RAD17: variants seen among roughly 807,000 people sequenced by gnomAD.
The protein encoded by RAD17 is RAD17 checkpoint clamp loader component.
RAD17 carries 31 observed loss-of-function variants against 81.5 expected under a neutral mutation model. The ratio of observed to expected loss-of-function variants is 0.38; its 90% CI spans 0.29 to 0.51. The LOEUF is 0.51. Ranked by LOEUF, RAD17 falls within the 20% of genes least tolerant of loss-of-function variation. The pLI is 0.88. For synonymous variants in RAD17, 261 were observed against 266.2 expected (o/e 0.98, Z 0.19); for missense variants, 681 against 781.2 (o/e 0.87, Z 1.53).
Position 69,414,058 on chromosome 5 carries a change from G to C in RAD17, c.1779G>C (p.Arg593Ser). ...TGAAAATGGAAGCCCTGACTGACAG[G>C]GAACATGGAATGATAGACCCTGACA... is the stretch of plus-strand genomic sequence containing the variant. ...GRLKMEALTD[R>S]EHGMIDPDSG... is the part of the protein sequence containing the mutation. The change falls in exon 19 of 19, where the codon AGG becomes AGC. Residue 593 changes from arginine (R) to serine (S), a missense_variant. Transcript: ENST00000354868. 6.2e-7 allele frequency: 1 copy of C among 1,614,202 alleles called. No individual in the cohort carries two copies. The highest frequency in any genetic ancestry group is 8.5e-7 in the Non-Finnish European group (1 of 1,180,042).
Position 69,377,614 on chromosome 5 carries a change from C to CATAT in RAD17, c.351+2908_351+2911dup, listed in dbSNP as rs372230050. Among the ~76,000 whole-genome samples, 4 of 3,386 alleles carry CATAT rather than the reference C, an allele frequency of 1.2e-3. 1 individual carries two copies. The highest frequency in any genetic ancestry group is 2.4e-3 in the African/African-American group (4 of 1,668). 2.2% of individuals were successfully genotyped at this position (3,386 alleles called of 152,430 possible). ...ATATATATGCATATATATATGTATA[C>CATAT]ATATATATGCATATATATGTATACA... On this transcript the variant is annotated intron_variant, in intron 6 of 18. Coordinates refer to ENST00000354868, the MANE Select transcript of RAD17 (RefSeq NM_133338.3).
At position 69,386,412 on chromosome 5, in the gene RAD17, C is replaced by G; in HGVS notation, c.841C>G (p.Pro281Ala). 1.3e-6 allele frequency: 2 copies of G among 1,596,960 alleles called. No individual in the cohort carries two copies. Among genetic ancestry groups the G allele is most frequent in the Non-Finnish European group, 1.7e-6 (2 of 1,173,686 alleles). Residue 281 changes from proline (P) to alanine (A), a missense_variant, in exon 11 of 19, where the codon CCA becomes GCA. By Grantham distance (27) the Pro-to-Ala change is conservative. Coordinates refer to ENST00000354868, the MANE Select transcript of RAD17 (RefSeq NM_133338.3). ...AAAACTTAGTTTCAACCCTGTGGCA[C>G]CAACAATTATGATGAAATTTCTTAA... ...ISNISFNPVA[P>A]TIMMKFLNRI...
At chr5:69,392,791 T>C (rs1181718409) in intron 13 of RAD17, 36 of 456,370 alleles carry the variant, frequency 7.9e-5, no homozygotes, top group Non-Finnish European at 5.3e-5. Flanking sequence ...TCGTATTCTT[T>C]CATGTAGAGA....
intron 16 of RAD17, among the ~76,000 whole-genome samples, chr5:69,398,126 AAAG>A (rs1198584538): frequency 3.3e-4 from 50 of 152,320 alleles, no homozygotes; most frequent in African/African-American, 1.1e-3. Flanking sequence ...AAAAAAAAAA[AAAG>A]AAAATCACTA....
At chr5:69,373,649 C>T (rs1311532991) in intron 4 of RAD17, among the ~76,000 whole-genome samples, 181 bp from the exon 5 acceptor site, 1 of 148,914 alleles carries the variant, frequency 6.7e-6, no homozygotes, top group African/African-American at 2.5e-5. Context: ...CACTGCAGTC[C>T]AGCCTGGGTG....
intron 11 of RAD17, among the ~76,000 whole-genome samples, chr5:69,387,411 A>G (rs1052397420): frequency 6.6e-6 from 1 of 152,184 alleles, no homozygotes; most frequent in Non-Finnish European, 1.5e-5. Flanking sequence ...GGAAATATCC[A>G]AGGGAGAGGT....
In RAD17 at chr5:69,371,492, G is replaced by A. The variant is rs1351381556; in HGVS notation, c.-241G>A. 1.5e-5 allele frequency: 20 copies of A among 1,346,214 alleles called. No homozygotes were observed. Among genetic ancestry groups the A allele is most frequent in the Non-Finnish European group, 2.0e-5 (20 of 1,012,318 alleles). 83.4% of individuals were successfully genotyped at this position (1,346,214 alleles called of 1,614,324 possible). On this transcript the variant is annotated 5_prime_UTR_variant, in exon 3 of 19. Coordinates refer to ENST00000354868, the MANE Select transcript of RAD17 (RefSeq NM_133338.3). ...TAATGTACTGCAAGTCCTAAACTAC[G>A]GATGGGAACTATTACAGTTTATAAT...
At position 69,396,545 on chromosome 5, in the gene RAD17, AG is replaced by A; in HGVS notation, c.1572+1del. ...CCTCAGTGGTTTCTAATAAATAAAA[AG>A]GTAAAAAAAAAAAAAAAAATTCTGT... is the stretch of plus-strand genomic sequence containing the variant. Reference protein sequence around the residue: ...HKPQWFLINKKYRENCLAAKA... With the variant: ...HKPQWFLINKXYRENCLAAKA... On this transcript the variant is annotated frameshift_variant and splice_region_variant, in exon 16 of 19. Transcript: ENST00000354868. LOFTEE classifies it high-confidence loss of function. 1 of 1,406,464 alleles carries A rather than the reference AG, an allele frequency of 7.1e-7. No homozygotes were observed. Among genetic ancestry groups the A allele is most frequent in the South Asian group, 1.4e-5 (1 of 72,246 alleles). The allele number at this position is 1,406,464 out of a possible 1,614,324, so 87.1% of individuals were successfully genotyped here.
intron 5 of RAD17, 133 bp downstream of exon 5, chr5:69,374,220 G>A: frequency 1.3e-6 from 1 of 794,636 alleles, no homozygotes; most frequent in South Asian, 2.3e-5. Flanking sequence ...AAAAATTCTG[G>A]ATTTTTTTAT....
chr5:69,392,731 CT>C, intron 13 of RAD17: 2 of 425,726 alleles, frequency 4.7e-6, no homozygotes, highest in South Asian at 1.7e-5. Flanking sequence ...TCTCTCCTTT[CT>C]TTTCCTCCCC....
chr5:69,386,515 C>CATTT lies in RAD17; in HGVS notation c.894+50_894+51insATTT. On this transcript the variant is annotated intron_variant, in intron 11 of 18. Coordinates refer to ENST00000354868, the MANE Select transcript of RAD17 (RefSeq NM_133338.3). ...TACTCGATAACTATAGAAAGCCTAG[C>CATTT]TTAAATAGTATTATGTAAACTGAAG... 3.4e-6 allele frequency: 5 copies of CATTT among 1,487,322 alleles called. No individual in the cohort carries two copies. The East Asian group carries it at 7.1e-5, about 21-fold the overall frequency. The allele number at this position is 1,487,322 out of a possible 1,614,324, so 92.1% of individuals were successfully genotyped here. A position where few individuals can be genotyped will look rare whatever the true frequency, so the allele number is the denominator to read the frequency against.
intron 17 of RAD17, among the ~76,000 whole-genome samples, chr5:69,402,108 C>T (rs1380023407): frequency 6.8e-6 from 1 of 147,574 alleles, no homozygotes; most frequent in Non-Finnish European, 1.5e-5. Context: ...AGTGCAATGG[C>T]ATGATCTCGA....
rs768377140 is a variant in RAD17, at chr5:69,410,538, G to A, written c.1739G>A (p.Arg580Gln). The A allele has an allele frequency of 7.4e-6, 12 of 1,612,876 alleles. No homozygotes were observed. The African/African-American group carries it at 1.3e-4, about 18-fold the overall frequency. Residue 580 changes from arginine (R) to glutamine (Q), a missense_variant, in exon 18 of 19, where the codon CGA (arginine) becomes CAA (glutamine). Coordinates refer to ENST00000354868, the MANE Select transcript of RAD17 (RefSeq NM_133338.3). The part of the protein sequence containing the change: ...IQDIGRLPLK[R>Q]HFGRLKMEAL... The stretch of plus-strand genomic sequence containing the variant: ...GATATTGGAAGGCTCCCTCTGAAGC[G>A]ACACTTTGGAAGGTAAGCTGATCAT...
At position 69,381,977 on chromosome 5, in the gene RAD17, A is replaced by G. The variant is rs1763887759; in HGVS notation, c.428A>G (p.His143Arg). The G allele has an allele frequency of 1.2e-6, 2 of 1,606,842 alleles. No individual in the cohort carries two copies. Among genetic ancestry groups the G allele is most frequent in the Non-Finnish European group, 1.7e-6 (2 of 1,173,600 alleles). Reference sequence around the variant, plus strand: ...ACCTTAAAAATACTATCAAAGGAGCATGGTATTCAAGTACAAGAGTGGATT... The same window carrying G: ...ACCTTAAAAATACTATCAAAGGAGCGTGGTATTCAAGTACAAGAGTGGATT... ...TTTLKILSKE[H>R]GIQVQEWINP... Residue 143 changes from histidine (H) to arginine (R), a missense_variant, in exon 7 of 19, where the codon CAT becomes CGT. Physicochemically the swap from His to Arg is conservative, Grantham distance 29. Transcript: ENST00000354868.
chr5:69,391,073 C>A (rs1764526660), intron 12 of RAD17, among the ~76,000 whole-genome samples: 1 of 151,776 alleles, frequency 6.6e-6, no homozygotes, highest in African/African-American at 2.4e-5. Context: ...CTCATCTCTG[C>A]TAAAAATACA....
chr5:69,369,843 G>C lies in RAD17; in HGVS notation c.-507G>C, dbSNP rs1052393264. ...GTACCTCCGAGAGGCTCGGCGTTGA[G>C]CCCGGGTAGGGCCAGGTGGCTGCCC... is the stretch of plus-strand genomic sequence containing the variant. On this transcript the variant is annotated 5_prime_UTR_variant, in exon 1 of 19. Coordinates refer to ENST00000354868, the MANE Select transcript of RAD17 (RefSeq NM_133338.3). 3 of 841,270 alleles carry C rather than the reference G, an allele frequency of 3.6e-6. No homozygotes were observed. The highest frequency in any genetic ancestry group is 5.6e-6 in the Non-Finnish European group (3 of 536,168). The allele number at this position is 841,270 out of a possible 1,614,324, so 52.1% of individuals were successfully genotyped here. A position where few individuals can be genotyped will look rare whatever the true frequency, so the allele number is the denominator to read the frequency against.
chr5:69,371,527 T>G lies in RAD17; in HGVS notation c.-206T>G. 6.8e-7 allele frequency: 1 copy of G among 1,463,518 alleles called. No individual in the cohort carries two copies. The highest frequency in any genetic ancestry group is 9.1e-7 in the Non-Finnish European group (1 of 1,093,340). The allele number at this position is 1,463,518 out of a possible 1,614,324, so 90.7% of individuals were successfully genotyped here. ...TATTACAGTTTATAATGTCAAAAAC[T>G]TTTCTTAGACCAAAGGTATCTTCCA... On this transcript the variant is annotated 5_prime_UTR_variant, in exon 3 of 19. Coordinates refer to ENST00000354868, the MANE Select transcript of RAD17 (RefSeq NM_133338.3).
intron 16 of RAD17, among the ~76,000 whole-genome samples, chr5:69,399,229 T>C (rs1765097450): frequency 6.6e-6 from 1 of 152,204 alleles, no homozygotes; most frequent in African/African-American, 2.4e-5. Flanking sequence ...CACTCCAGCC[T>C]GGGCAACAGA....
rs1210813855 is a variant in RAD17, at chr5:69,377,452, TATATATATATATATATATATATACACAC to T, written c.351+2743_351+2770del. Among the ~76,000 whole-genome samples the T allele has an allele frequency of 5.1e-3, 267 of 52,074 alleles. 2 individuals carry two copies. Among genetic ancestry groups the T allele is most frequent in the Middle Eastern group, 0.015 (1 of 68 alleles). 34.2% of individuals were successfully genotyped at this position (52,074 alleles called of 152,430 possible). On this transcript the variant is annotated intron_variant, in intron 6 of 18. Coordinates refer to ENST00000354868, the MANE Select transcript of RAD17 (RefSeq NM_133338.3). ...GTGTGTGTGTGTGTATATATATATA[TATATATATATATATATATATATACACAC>T]ACACACATATATATACGTATATATA... is the stretch of plus-strand genomic sequence containing the variant.
Sources: gnomAD v4.1 joint callset for allele counts (sites outside exome capture counted in the v4.1 genomes callset) on GRCh38, gnomAD v4.1.1 for gene constraint, MANE v1.5 for transcripts, NCBI Gene and HGNC (gene_info 2026-07-23, HGNC 2026-07-21) for gene names.